ICA1: variants seen among roughly 807,000 people sequenced by gnomAD.
ICA1 encodes 69 kDa islet cell autoantigen.
ICA1 carries 40 observed loss-of-function variants against 71.0 expected under a neutral mutation model. That is an observed-to-expected ratio of 0.56 (90% CI 0.44 to 0.73). The LOEUF (loss-of-function observed/expected upper bound fraction) is 0.73, where lower values mean the gene tolerates loss of function less well. Ranked by LOEUF, ICA1 falls within the 30% of genes least tolerant of loss-of-function variation. The pLI is 0.00. For missense variants in ICA1, 578 were observed against 576.5 expected, an observed-to-expected ratio of 1.00 and a Z score of -0.03; for synonymous variants, 207 against 209.5, an observed-to-expected ratio of 0.99 and a Z score of 0.10.
chr7:8,245,989 GT>G (rs1456933023), intron 1 of ICA1, among the ~76,000 whole-genome samples: 4 of 152,118 alleles, frequency 2.6e-5, no homozygotes, highest in African/African-American at 9.7e-5. Context: ...ATTGAATAAA[GT>G]CTATGATTAG....
At chr7:8,206,229 T>C (rs1238783553) in intron 6 of ICA1, among the ~76,000 whole-genome samples, 1 of 152,188 alleles carries the variant, frequency 6.6e-6, no homozygotes, top group Non-Finnish European at 1.5e-5. Flanking sequence ...CTTCCTGCTA[T>C]TTGGTGGATT....
At chr7:8,250,702 A>C (rs1368751556) in intron 1 of ICA1, among the ~76,000 whole-genome samples, 2 of 152,200 alleles carry the variant, frequency 1.3e-5, no homozygotes. Context: ...TTGATATTTC[A>C]TAAATTCACA....
intron 1 of ICA1, among the ~76,000 whole-genome samples, chr7:8,253,557 C>CT (rs2128537691): frequency 6.6e-6 from 1 of 152,114 alleles, no homozygotes; most frequent in East Asian, 1.9e-4. Context: ...ATAGGTCCAC[C>CT]TATACACCAG....
At chr7:8,242,900 G>T (rs553672004) in intron 1 of ICA1, among the ~76,000 whole-genome samples, 1 of 152,188 alleles carries the variant, frequency 6.6e-6, no homozygotes, top group East Asian at 1.9e-4. Context: ...CCAATAACAG[G>T]CTCTGAAATT....
chr7:8,140,259 G>C (rs1171358658), intron 10 of ICA1, among the ~76,000 whole-genome samples: 1 of 152,098 alleles, frequency 6.6e-6, no homozygotes, highest in Non-Finnish European at 1.5e-5. Flanking sequence ...TATAGACAGA[G>C]AGCTCTTCTG....
At chr7:8,180,696 C>T (rs61091412) in intron 6 of ICA1, among the ~76,000 whole-genome samples, 62,569 of 151,838 alleles carry the variant, frequency 0.41, 14,445 homozygotes, top group African/African-American at 0.64. Context: ...GTTTTATTTA[C>T]TATTTCCCTG....
intron 4 of ICA1, among the ~76,000 whole-genome samples, chr7:8,221,656 A>G (rs1797118954): frequency 6.6e-6 from 1 of 152,188 alleles, no homozygotes; most frequent in Non-Finnish European, 1.5e-5. Context: ...CAGAACTAGA[A>G]AATGACCTCT....
At chr7:8,209,115 C>G (rs2128367553) in intron 6 of ICA1, among the ~76,000 whole-genome samples, 1 of 152,306 alleles carries the variant, frequency 6.6e-6, no homozygotes, top group African/African-American at 2.4e-5. Context: ...TGGACCAGAT[C>G]AGTTCACACA....
intron 1 of ICA1, among the ~76,000 whole-genome samples, chr7:8,241,018 C>A (rs10243615): frequency 2.0e-5 from 3 of 151,958 alleles, no homozygotes; most frequent in Non-Finnish European, 2.9e-5. Context: ...AGAATTTCCC[C>A]AACCTAGCAA....
At chr7:8,260,349 A>G (rs1273164729) in intron 1 of ICA1, among the ~76,000 whole-genome samples, 1 of 152,184 alleles carries the variant, frequency 6.6e-6, no homozygotes, top group Non-Finnish European at 1.5e-5. Context: ...TGCGTAGAGA[A>G]AGCAGTCAGA....
chr7:8,205,421 G>C (rs1791175136), intron 6 of ICA1, among the ~76,000 whole-genome samples: 2 of 152,180 alleles, frequency 1.3e-5, no homozygotes, highest in South Asian at 4.1e-4. Flanking sequence ...CACATCCTCT[G>C]TGTTCCCAGT....
rs1024406486 is a variant in ICA1 at position 8,123,757 on chromosome 7, C to G, written c.1330+4116G>C. ...CAAGTCCTGCCCCTCTGACGGCTTC[C>G]TAAGAGAGGTCTGAAGAGCCCCACT... is the stretch of plus-strand genomic sequence containing the variant. On this transcript the variant is annotated intron_variant, in intron 13 of 13. Transcript: ENST00000402384. The surrounding 1 kb of genome is among the most constrained non-coding windows in gnomAD (Gnocchi z 4.1). Among the ~76,000 whole-genome samples, 6 of 152,298 alleles carry G rather than the reference C, an allele frequency of 3.9e-5. No homozygotes were observed. The highest frequency in any genetic ancestry group is 1.4e-4 in the African/African-American group (6 of 41,556).
In ICA1 at chr7:8,174,775, A is replaced by AAAAACAAAAAACCAAAG. The variant is rs1562837147; in HGVS notation, c.580-16124_580-16123insCTTTGGTTTTTTGTTTT. Among the ~76,000 whole-genome samples the AAAAACAAAAAACCAAAG allele has an allele frequency of 2.0e-4, 22 of 111,398 alleles. No homozygotes were observed. The East Asian group carries it at 2.2e-3, about 11-fold the overall frequency. The allele number at this position is 111,398 out of a possible 152,430, so 73.1% of individuals were successfully genotyped here. ...TATCTCAAAAAAAAAAAAAAAAAAA[A>AAAAACAAAAAACCAAAG]AAAACAGAGAGAGAGACAAATGAGA... On this transcript the variant is annotated intron_variant, in intron 6 of 13. Transcript: ENST00000402384.
chr7:8,113,951 T>C lies in ICA1; in HGVS notation c.1424A>G (p.Asp475Gly), dbSNP rs748858528. The C allele has an allele frequency of 1.2e-6, 2 of 1,614,186 alleles. No homozygotes were observed. The highest frequency in any genetic ancestry group is 3.3e-5 in the Admixed American group (2 of 60,028). The change falls in exon 14 of 14, where the codon GAT (aspartate) becomes GGT (glycine). Residue 475 changes from aspartate to glycine, a missense_variant. Asp to Gly is a moderately conservative substitution (Grantham distance 94). Coordinates refer to ENST00000402384, the MANE Select transcript of ICA1 (RefSeq NM_001136020.3). The surrounding 1 kb of genome is among the most constrained non-coding windows in gnomAD (Gnocchi z 4.2). Reference sequence around the variant, plus strand: ...TGCATTGAGCAATTCGTGTTCTTTATCGGTTTTCCCAACAGCATCAGGATT... The same window carrying C: ...TGCATTGAGCAATTCGTGTTCTTTACCGGTTTTCCCAACAGCATCAGGATT... ...LSNPDAVGKT[D>G]KEHELLNA
chr7:8,177,627 T>C (rs1781016843), intron 6 of ICA1, among the ~76,000 whole-genome samples: 2 of 152,242 alleles, frequency 1.3e-5, no homozygotes, highest in Admixed American at 1.3e-4. Flanking sequence ...AATTTGCTTC[T>C]GTCTCTTGGC....
intron 1 of ICA1, among the ~76,000 whole-genome samples, chr7:8,254,239 T>C (rs887364833): frequency 1.3e-5 from 2 of 152,106 alleles, no homozygotes; most frequent in African/African-American, 4.8e-5. Context: ...GTGTATGCTG[T>C]GCACGGGTCC....
intron 13 of ICA1, among the ~76,000 whole-genome samples, chr7:8,125,398 G>C (rs1409773992): frequency 1.3e-5 from 2 of 152,104 alleles, no homozygotes; most frequent in African/African-American, 4.8e-5. Flanking sequence ...TAGGGCATTG[G>C]CACAGGTTGT....
chr7:8,166,597 C>A (rs545555670), intron 6 of ICA1, among the ~76,000 whole-genome samples: 1 of 152,150 alleles, frequency 6.6e-6, no homozygotes, highest in East Asian at 1.9e-4. Context: ...GATTTCATGA[C>A]GAAAATGCCA....
chr7:8,227,605 CTTTTTTT>C (rs752042709), intron 4 of ICA1: 15 of 312,058 alleles, frequency 4.8e-5, no homozygotes, highest in East Asian at 1.0e-4. Context: ...AAGTAGTTGT[CTTTTTTT>C]TTTTTTTTTT....
Sources: gnomAD v4.1 joint callset for allele counts (sites outside exome capture counted in the v4.1 genomes callset) on GRCh38, gnomAD v4.1.1 for gene constraint, Gnocchi (gnomAD v3.1) non-coding constraint, MANE v1.5 for transcripts, NCBI Gene and HGNC (gene_info 2026-07-23, HGNC 2026-07-21) for gene names.